The following CLASRP variants were observed in gnomAD, a reference collection of about 807,000 sequenced individuals.
CLASRP encodes the protein CLK4-associating serine/arginine rich protein.
CLASRP carries 52 observed loss-of-function variants against 99.9 expected under a neutral mutation model. The ratio of observed to expected loss-of-function variants is 0.52; its 90% CI spans 0.42 to 0.66. The LOEUF is 0.66. Among genes scored for constraint, CLASRP ranks in the 30% least tolerant of loss-of-function variants. The probability of loss-of-function intolerance (pLI) is 0.00; values close to 1 mark genes in which losing one functional copy is unlikely to be tolerated. For synonymous variants in CLASRP, 379 were observed against 373.0 expected (o/e 1.02, Z -0.18); for missense variants, 848 against 999.2 (o/e 0.85, Z 2.04).
At chr19:45,057,459 G>A (rs1387530067) in intron 6 of CLASRP, among the ~76,000 whole-genome samples, 6 of 152,202 alleles carry the variant, frequency 3.9e-5, no homozygotes, top group East Asian at 3.8e-4. Context: ...TGGTCTAGGC[G>A]GGAGACAGAC....
At chr19:45,066,636 A>T (rs1161819467) in intron 13 of CLASRP, among the ~76,000 whole-genome samples, 1 of 150,232 alleles carries the variant, frequency 6.7e-6, no homozygotes, top group Admixed American at 6.6e-5. Flanking sequence ...AAAAAAAAAA[A>T]AAAAAAAAAA....
chr19:45,063,905 C>G, intron 11 of CLASRP, 107 bp from the exon 12 acceptor site: 1 of 1,453,470 alleles, frequency 6.9e-7, no homozygotes, highest in Non-Finnish European at 9.1e-7. Flanking sequence ...CCTGGTTTCC[C>G]GGGTCGCTGT....
intron 6 of CLASRP, 99 bp downstream of exon 6, chr19:45,056,633 G>A (rs1972124496): frequency 5.4e-6 from 5 of 918,580 alleles, no homozygotes; most frequent in South Asian, 1.4e-5. Context: ...GGGTCTCCCC[G>A]AAACCAAGGA....
chr19:45,070,074 C>A lies in CLASRP; in HGVS notation c.1927C>A (p.Arg643=), dbSNP rs140584027. 2 of 1,607,114 alleles carry A rather than the reference C, an allele frequency of 1.2e-6. No homozygotes were observed. Among genetic ancestry groups the A allele is most frequent in the African/African-American group, 2.7e-5 (2 of 74,894 alleles). The change falls in exon 19 of 21, where the codon CGG becomes AGG. Residue 643 remains arginine (R), a synonymous_variant. Transcript: ENST00000221455. ...AGAAGAGTGGGAACGCCAGTACAGC[C>A]GGCAGAGCCGCTCACCCTCCCCCCG... ...EREEWERQYS[R]QSRSPSPRYS... is the part of the protein sequence containing the mutation.
intron 6 of CLASRP, 123 bp downstream of exon 6, chr19:45,056,657 ACAGT>A (rs1222055774): frequency 2.6e-6 from 2 of 777,764 alleles, no homozygotes; most frequent in Non-Finnish European, 2.2e-6. Context: ...TGTTCAGCAC[ACAGT>A]CAGTGCTCAA....
chr19:45,052,229 G>A lies in CLASRP; in HGVS notation c.197+61G>A, dbSNP rs1363527765. 4 of 1,409,970 alleles carry A rather than the reference G, an allele frequency of 2.8e-6. No homozygotes were observed. The Admixed American group carries it at 5.1e-5, about 18-fold the overall frequency. 87.3% of individuals were successfully genotyped at this position (1,409,970 alleles called of 1,614,324 possible). A position where few individuals can be genotyped will look rare whatever the true frequency, so the allele number is the denominator to read the frequency against. On this transcript the variant is annotated intron_variant, in intron 3 of 20. Coordinates refer to ENST00000221455, the MANE Select transcript of CLASRP (RefSeq NM_007056.3). ...GTCTGGGAGTCAAAACGGACCTGGG[G>A]TGGTGTAGAGTGTGGAGCAGAGACT...
rs143734719 is a variant in CLASRP, at chr19:45,050,882, A to C, written c.100-1189A>C. 2.6e-4 allele frequency among the ~76,000 whole-genome samples: 40 copies of C among 151,500 alleles called. No homozygotes were observed. In the East Asian group the frequency reaches 5.8e-3, roughly 22 times the overall value. ...CAGGCGCCTGCCACCATGGCTGGCT[A>C]ATTTTTTTGTATTTTTAGTAGAGAC... On this transcript the variant is annotated intron_variant, in intron 2 of 20. Coordinates refer to ENST00000221455, the MANE Select transcript of CLASRP (RefSeq NM_007056.3).
chr19:45,064,321 G>A, intron 12 of CLASRP, 22 bp from the exon 13 acceptor site: 1 of 1,515,960 alleles, frequency 6.6e-7, no homozygotes, highest in Non-Finnish European at 8.8e-7. Flanking sequence ...GCGCTGACCG[G>A]CCCTCCGTGC....
chr19:45,043,812 G>A (rs1171174953), intron 2 of CLASRP, among the ~76,000 whole-genome samples: 2 of 152,164 alleles, frequency 1.3e-5, no homozygotes, highest in Non-Finnish European at 1.5e-5. Context: ...TCAAGGCAAG[G>A]CCTGGGTCTC....
chr19:45,045,344 C>T (rs946717155), intron 2 of CLASRP, among the ~76,000 whole-genome samples: 19 of 152,214 alleles, frequency 1.2e-4, no homozygotes, highest in African/African-American at 3.4e-4. Flanking sequence ...GGTGAAACCC[C>T]GTCTATACCA....
rs1971866811 is a variant in CLASRP at position 45,044,028 on chromosome 19, CCCA to C, written c.99+3725_99+3727del. On this transcript the variant is annotated intron_variant, in intron 2 of 20. Transcript: ENST00000221455. ...TCCCAAGCAGCTGAGACTATAGGTG[CCCA>C]CCACCACGCCCGGCTAATTTTTGTA... Among the ~76,000 whole-genome samples the C allele has an allele frequency of 4.6e-5, 7 of 152,262 alleles. No homozygotes were observed. The South Asian group carries it at 1.5e-3, about 32-fold the overall frequency.
Position 45,064,423 on chromosome 19 carries a change from G to A in CLASRP, c.1202G>A (p.Arg401His), listed in dbSNP as rs1388111687. 1 of 1,527,906 alleles carries A rather than the reference G, an allele frequency of 6.5e-7. No individual in the cohort carries two copies. Among genetic ancestry groups the A allele is most frequent in the Admixed American group, 2.0e-5 (1 of 50,856 alleles). 94.6% of individuals were successfully genotyped at this position (1,527,906 alleles called of 1,614,324 possible). A position where few individuals can be genotyped will look rare whatever the true frequency, so the allele number is the denominator to read the frequency against. ...SSRSSSRSSS[R>H]SRRGGGYYRS... ...CGCTCCAGCTCTCGCTCCAGCTCCCGCTCTCGCCGTGGTGGGGGCTACTAC... is the reference window on the plus strand; with the variant it reads ...CGCTCCAGCTCTCGCTCCAGCTCCCACTCTCGCCGTGGTGGGGGCTACTAC... Residue 401 changes from arginine to histidine, a missense_variant, in exon 13 of 21, where the codon CGC becomes CAC. This residue lies in a region of CLASRP where 489 missense variants were observed against 434.7 expected (regional missense o/e 1.12). Transcript: ENST00000221455.
Position 45,064,076 on chromosome 19 carries a change from G to GAGA in CLASRP, c.974_976dup (p.Lys325dup). On this transcript the variant is annotated inframe_insertion, in exon 12 of 21. Coordinates refer to ENST00000221455, the MANE Select transcript of CLASRP (RefSeq NM_007056.3). ...CCGCTCCCCGACCCCGGGCCGCGAG[G>GAGA]AGAAGATCACGTTCATCACCAGTTT... 1 of 1,603,010 alleles carries GAGA rather than the reference G, an allele frequency of 6.2e-7. No homozygotes were observed. Among genetic ancestry groups the GAGA allele is most frequent in the Non-Finnish European group, 8.5e-7 (1 of 1,174,696 alleles).
intron 1 of CLASRP, 97 bp from the exon 2 acceptor site, chr19:45,040,087 T>C: frequency 1.6e-6 from 1 of 632,362 alleles, no homozygotes; most frequent in East Asian, 2.9e-5. Context: ...GATGTGTTGT[T>C]TGGGATCGAC....
At chr19:45,042,481 CAG>C (rs1432393761) in intron 2 of CLASRP, among the ~76,000 whole-genome samples, 1 of 150,606 alleles carries the variant, frequency 6.6e-6, no homozygotes, top group African/African-American at 2.5e-5. Context: ...GCCTGGGCAA[CAG>C]AGTGAGACTC....
chr19:45,039,970 T>C, intron 1 of CLASRP: 2 of 397,512 alleles, frequency 5.0e-6, no homozygotes, highest in Non-Finnish European at 9.5e-6. Context: ...CAGAATCACC[T>C]GAGGGTTTTT....
chr19:45,049,882 G>T (rs144645597), intron 2 of CLASRP, among the ~76,000 whole-genome samples: 1 of 152,076 alleles, frequency 6.6e-6, no homozygotes, highest in African/African-American at 2.4e-5. Context: ...GGTGGTAGCG[G>T]GTGCTCAAAA....
At chr19:45,052,220 G>A (rs1022808333) in intron 3 of CLASRP, 52 bp downstream of exon 3, 9 of 1,488,362 alleles carry the variant, frequency 6.0e-6, no homozygotes, top group Admixed American at 3.4e-5. Flanking sequence ...GAGTCAAAAC[G>A]GACCTGGGGT....
In CLASRP at chr19:45,057,730, T is replaced by C. The variant is rs2122570969; in HGVS notation, c.465-20T>C. 6.2e-7 allele frequency: 1 copy of C among 1,613,584 alleles called. No individual in the cohort carries two copies. Among genetic ancestry groups the C allele is most frequent in the Non-Finnish European group, 8.5e-7 (1 of 1,179,700 alleles). On this transcript the variant is annotated intron_variant, in intron 6 of 20. Transcript: ENST00000221455. ...ATCTCCACTGGGCACGGCCCTGGCT[T>C]ACCAGCTCCCCTTTCTCAGGCTGGC...
Sources: allele counts gnomAD v4.1 joint callset (sites outside exome capture counted in the v4.1 genomes callset), GRCh38; gene constraint gnomAD v4.1.1; regional missense constraint gnomAD v4.1.1; transcripts MANE v1.5; gene names NCBI Gene and HGNC (gene_info 2026-07-23, HGNC 2026-07-21).